Variants in RAP1GDS1 observed in about 807,000 individuals in gnomAD.
The protein encoded by RAP1GDS1 is Rap1 GTPase-GDP dissociation stimulator 1.
In RAP1GDS1, 35 loss-of-function variants were observed where a neutral mutation model predicts 71.1. The ratio of observed to expected loss-of-function variants is 0.49; its 90% CI spans 0.38 to 0.65. The LOEUF is 0.65. Among genes scored for constraint, RAP1GDS1 ranks in the 30% least tolerant of loss-of-function variants. RAP1GDS1 has a pLI of 0.00. For missense variants in RAP1GDS1, 663 were observed against 706.1 expected (o/e 0.94, Z 0.69); for synonymous variants, 229 against 243.1 (o/e 0.94, Z 0.54).
chr4:98,313,074 A>G (rs1452364312), intron 2 of RAP1GDS1, among the ~76,000 whole-genome samples: 1 of 128,140 alleles, frequency 7.8e-6, no homozygotes, highest in Non-Finnish European at 1.7e-5. Flanking sequence ...GTCTCAAAAA[A>G]AAAAAAAAAA....
At chr4:98,264,404 AT>A (rs1722444841) in intron 1 of RAP1GDS1, among the ~76,000 whole-genome samples, 5 of 151,562 alleles carry the variant, frequency 3.3e-5, no homozygotes, top group African/African-American at 1.2e-4. Flanking sequence ...CTCAAAAAAA[AT>A]ATATATATAT....
chr4:98,345,663 ATAATT>A (rs980648860), intron 3 of RAP1GDS1, among the ~76,000 whole-genome samples: 10 of 152,242 alleles, frequency 6.6e-5, no homozygotes, highest in South Asian at 2.1e-4. Context: ...TTGTGCTAAC[ATAATT>A]TAAGTGTTGT....
chr4:98,420,486 C>T (rs190818961), intron 11 of RAP1GDS1, among the ~76,000 whole-genome samples: 34 of 152,178 alleles, frequency 2.2e-4, no homozygotes, highest in African/African-American at 7.9e-4. Flanking sequence ...CTGCCTCAGC[C>T]TCCTGAGTAG....
intron 5 of RAP1GDS1, among the ~76,000 whole-genome samples, chr4:98,383,713 T>A (rs2110112302): frequency 6.6e-6 from 1 of 151,690 alleles, no homozygotes; most frequent in South Asian, 2.1e-4. Flanking sequence ...AGGCCTATAC[T>A]ACTTCTCCCC....
At chr4:98,302,412 G>A (rs1272937264) in intron 2 of RAP1GDS1, among the ~76,000 whole-genome samples, 1 of 152,122 alleles carries the variant, frequency 6.6e-6, no homozygotes, top group Non-Finnish European at 1.5e-5. Flanking sequence ...TTAAAAAGGG[G>A]CATTGAGGAA....
intron 1 of RAP1GDS1, among the ~76,000 whole-genome samples, chr4:98,272,114 T>C (rs1347426194): frequency 6.6e-6 from 1 of 152,184 alleles, no homozygotes; most frequent in Non-Finnish European, 1.5e-5. Flanking sequence ...AAGGACCAGA[T>C]GATAAATATT....
chr4:98,312,149 A>C (rs1394777086), intron 2 of RAP1GDS1, among the ~76,000 whole-genome samples: 2 of 152,178 alleles, frequency 1.3e-5, no homozygotes, highest in Non-Finnish European at 2.9e-5. Flanking sequence ...TGTTTAGCTC[A>C]CTATTCTCAG....
At chr4:98,384,718 T>G (rs1467092133) in intron 5 of RAP1GDS1, among the ~76,000 whole-genome samples, 1 of 151,646 alleles carries the variant, frequency 6.6e-6, no homozygotes, top group African/African-American at 2.4e-5. Context: ...ATATTCAGCT[T>G]TGGCCATTAG....
At chr4:98,353,322 C>T (rs1210900555) in intron 4 of RAP1GDS1, among the ~76,000 whole-genome samples, 7 of 152,146 alleles carry the variant, frequency 4.6e-5, no homozygotes, top group African/African-American at 1.7e-4. Context: ...TATCATTCAC[C>T]TGTAATGCCT....
chr4:98,271,268 G>C (rs1723419083), intron 1 of RAP1GDS1, among the ~76,000 whole-genome samples: 2 of 152,102 alleles, frequency 1.3e-5, no homozygotes, highest in Non-Finnish European at 2.9e-5. Context: ...TAGCAGATTA[G>C]TAGACATCTC....
intron 4 of RAP1GDS1, among the ~76,000 whole-genome samples, chr4:98,357,696 A>C (rs927574020): frequency 6.6e-6 from 1 of 151,938 alleles, no homozygotes; most frequent in African/African-American, 2.4e-5. Flanking sequence ...TTTTTTAAGA[A>C]ATTAACCAAA....
chr4:98,400,372 A>ATAC (rs1745200109), intron 6 of RAP1GDS1, among the ~76,000 whole-genome samples: 2 of 152,222 alleles, frequency 1.3e-5, no homozygotes, highest in South Asian at 4.2e-4. Context: ...ACACAATGGA[A>ATAC]TACTATTCAG....
rs754556301 is a variant in RAP1GDS1 at position 98,417,394 on chromosome 4, G to A, written c.935G>A (p.Gly312Glu). Reference protein sequence around the residue: ...GDESMQKLFEGGKGSVFQRVL... With the variant: ...GDESMQKLFEEGKGSVFQRVL... ...GAATCCATGCAGAAGTTATTTGAAG[G>A]AGGAAAAGGTAGTGTATTTCAAAGG... Residue 312 changes from glycine to glutamate, a missense_variant, in exon 9 of 15, where the codon GGA becomes GAA. Gly to Glu is a moderately conservative substitution (Grantham distance 98, BLOSUM62 -2). Transcript: ENST00000408927. 7 of 1,612,788 alleles carry A rather than the reference G, an allele frequency of 4.3e-6. No individual in the cohort carries two copies. Among genetic ancestry groups the A allele is most frequent in the Non-Finnish European group, 5.9e-6 (7 of 1,178,956 alleles).
At chr4:98,278,944 C>T (rs372155805) in intron 1 of RAP1GDS1, among the ~76,000 whole-genome samples, 86 of 152,056 alleles carry the variant, frequency 5.7e-4, no homozygotes, top group Admixed American at 1.8e-3. Flanking sequence ...GCCACTAGGC[C>T]GGGCGCGGTG....
Position 98,293,472 on chromosome 4 carries a change from A to G in RAP1GDS1, c.69A>G (p.Leu23=). The G allele has an allele frequency of 1.9e-6, 3 of 1,610,930 alleles. No individual in the cohort carries two copies. The highest frequency in any genetic ancestry group is 2.5e-6 in the Non-Finnish European group (3 of 1,178,848). The change falls in exon 2 of 15, where the codon TTA becomes TTG. Residue 23 remains leucine, a synonymous_variant. Transcript: ENST00000408927. The part of the protein sequence containing the change: ...ITAVDKTEDS[L]EGCLDCLLQA... ...CTGTTGACAAGACTGAGGATAGTTTAGAAGGATGCTTGGATTGTCTGCTTC... is the reference window on the plus strand; with the variant it reads ...CTGTTGACAAGACTGAGGATAGTTTGGAAGGATGCTTGGATTGTCTGCTTC...
At chr4:98,414,312 A>T (rs1408881915) in intron 7 of RAP1GDS1, among the ~76,000 whole-genome samples, 2 of 140,522 alleles carry the variant, frequency 1.4e-5, no homozygotes, top group African/African-American at 2.9e-5. Flanking sequence ...CTGAATGGTA[A>T]TGCCTAGGTT....
chr4:98,440,786 C>T (rs1751760743), intron 14 of RAP1GDS1, among the ~76,000 whole-genome samples: 2 of 152,108 alleles, frequency 1.3e-5, no homozygotes, highest in South Asian at 2.1e-4. Flanking sequence ...GGTGCAATCT[C>T]GGCTCACCGT....
intron 14 of RAP1GDS1, among the ~76,000 whole-genome samples, chr4:98,438,641 G>A (rs965368235): frequency 1.3e-4 from 17 of 132,762 alleles, no homozygotes; most frequent in Non-Finnish European, 1.5e-5. Context: ...CACCCAGGCT[G>A]GAGTGCAGTG....
chr4:98,306,445 C>T (rs1304072884), intron 2 of RAP1GDS1, among the ~76,000 whole-genome samples: 1 of 152,094 alleles, frequency 6.6e-6, no homozygotes, highest in Non-Finnish European at 1.5e-5. Context: ...GGCATTAATC[C>T]ATTATAAAGT....
Sources: gnomAD v4.1 joint callset for allele counts (sites outside exome capture counted in the v4.1 genomes callset) on GRCh38, gnomAD v4.1.1 for gene constraint, MANE v1.5 for transcripts, NCBI Gene and HGNC (gene_info 2026-07-23, HGNC 2026-07-21) for gene names.